Variants in LINGO2 observed in about 807,000 individuals in gnomAD.
The protein encoded by LINGO2 is leucine rich repeat and Ig domain containing 2, also known as leucine-rich repeat and immunoglobulin-like domain-containing nogo receptor-interacting protein 2.
A neutral mutation model predicts 30.6 loss-of-function variants in LINGO2; 14 were observed. That is an observed-to-expected ratio of 0.46 (90% CI 0.30 to 0.72). The LOEUF (loss-of-function observed/expected upper bound fraction) is 0.72. LINGO2 is among the 30% of genes least tolerant of loss of function. The probability of loss-of-function intolerance (pLI) is 0.07; values close to 1 mark genes in which losing one functional copy is unlikely to be tolerated. For missense variants in LINGO2, 729 were observed against 751.7 expected (o/e 0.97, Z 0.35); for synonymous variants, 317 against 288.5 (o/e 1.10, Z -1.00).
chr9:28,301,980 C>T (rs1024659997), intron 3 of LINGO2, among the ~76,000 whole-genome samples: 10 of 152,130 alleles, frequency 6.6e-5, no homozygotes, highest in Non-Finnish European at 1.3e-4. Context: ...CCAAACTAAG[C>T]TTCCTCTGTG....
intron 2 of LINGO2, among the ~76,000 whole-genome samples, chr9:28,410,881 A>C (rs556574522): frequency 6.6e-6 from 1 of 152,236 alleles, no homozygotes; most frequent in South Asian, 2.1e-4. Context: ...TTTGCAAATG[A>C]GGTAAAAGTG....
chr9:28,669,469 G>GT (rs558887140), intron 1 of LINGO2, among the ~76,000 whole-genome samples: 3 of 151,500 alleles, frequency 2.0e-5, no homozygotes, highest in East Asian at 3.9e-4. Flanking sequence ...GGACTTCTTT[G>GT]TTTTTTTTCT....
At chr9:29,196,664 A>G in the LINGO2 span, among the ~76,000 whole-genome samples, 5 of 152,096 alleles carry the variant, frequency 3.3e-5, no homozygotes, top group Non-Finnish European at 5.9e-5. Context: ...CCTATAGTCT[A>G]ATTTGAGATA....
chr9:28,034,506 A>T (rs1299731709), intron 4 of LINGO2, among the ~76,000 whole-genome samples: 1 of 152,182 alleles, frequency 6.6e-6, no homozygotes, highest in Non-Finnish European at 1.5e-5. Context: ...AGAAGCCCAG[A>T]ATTTCAGCAA....
the LINGO2 span, among the ~76,000 whole-genome samples, chr9:28,743,271 G>T: frequency 3.9e-5 from 6 of 152,058 alleles, no homozygotes; most frequent in South Asian, 1.0e-3. Context: ...TGCCGTGGTG[G>T]TTTGCTGCAC....
At chr9:29,153,514 A>T in the LINGO2 span, among the ~76,000 whole-genome samples, 1 of 152,186 alleles carries the variant, frequency 6.6e-6, no homozygotes, top group Non-Finnish European at 1.5e-5. Context: ...GTTTTTTATT[A>T]TTTGTTTTTG....
chr9:28,817,133 C>T, the LINGO2 span, among the ~76,000 whole-genome samples: 1 of 151,542 alleles, frequency 6.6e-6, no homozygotes, highest in African/African-American at 2.4e-5. Flanking sequence ...CCATATGCAT[C>T]AAAGAAATGG....
chr9:28,382,297 C>G (rs1439687481), intron 2 of LINGO2, among the ~76,000 whole-genome samples: 1 of 152,016 alleles, frequency 6.6e-6, no homozygotes, highest in Non-Finnish European at 1.5e-5. Flanking sequence ...TTACAAAATC[C>G]CAAATGTCTA....
At chr9:28,950,168 G>C in the LINGO2 span, among the ~76,000 whole-genome samples, 5 of 152,260 alleles carry the variant, frequency 3.3e-5, no homozygotes, top group East Asian at 9.7e-4. Context: ...AGTAGATGCA[G>C]AACAAGCTTT....
At chr9:28,008,086 C>T (rs749036222) in intron 5 of LINGO2, among the ~76,000 whole-genome samples, 1 of 152,140 alleles carries the variant, frequency 6.6e-6, no homozygotes, top group Non-Finnish European at 1.5e-5. Context: ...TCCCGTCTTA[C>T]ATCGTTTGTC....
At chr9:28,354,182 G>A (rs10491896) in intron 3 of LINGO2, among the ~76,000 whole-genome samples, 17,231 of 152,138 alleles carry the variant, frequency 0.11, 1,330 homozygotes, top group Admixed American at 0.18. Flanking sequence ...CGTCATATGA[G>A]TTCTGATTAA....
chr9:29,062,688 A>G, the LINGO2 span, among the ~76,000 whole-genome samples: 1 of 152,134 alleles, frequency 6.6e-6, no homozygotes, highest in Non-Finnish European at 1.5e-5. Context: ...AGAGAATGAA[A>G]TGGGGATTTA....
intron 4 of LINGO2, among the ~76,000 whole-genome samples, chr9:28,081,741 T>C (rs1479346864): frequency 6.6e-6 from 1 of 152,184 alleles, no homozygotes; most frequent in East Asian, 1.9e-4. Context: ...CCCTATATTT[T>C]AGAGGTGCTG....
chr9:28,010,216 T>G (rs746556411), intron 5 of LINGO2, among the ~76,000 whole-genome samples: 6 of 152,228 alleles, frequency 3.9e-5, no homozygotes, highest in Non-Finnish European at 8.8e-5. Flanking sequence ...TAAAAACCAC[T>G]GAATTGTATA....
At chr9:29,120,387 C>A in the LINGO2 span, among the ~76,000 whole-genome samples, 1 of 144,438 alleles carries the variant, frequency 6.9e-6, no homozygotes, top group Non-Finnish European at 1.5e-5. Flanking sequence ...GAACCAAAAA[C>A]GGGTCTAAGA....
At chr9:29,062,877 T>C in the LINGO2 span, among the ~76,000 whole-genome samples, 1 of 152,122 alleles carries the variant, frequency 6.6e-6, no homozygotes, top group Middle Eastern at 3.2e-3. Context: ...TCAGAAGCAA[T>C]GTCTTTCCAG....
the LINGO2 span, among the ~76,000 whole-genome samples, chr9:28,848,256 A>AGTG: frequency 8.5e-6 from 1 of 117,182 alleles, no homozygotes; most frequent in African/African-American, 3.4e-5. Flanking sequence ...ATATACGCAT[A>AGTG]TATAGTGTAT....
At chr9:29,173,516 T>G in the LINGO2 span, among the ~76,000 whole-genome samples, 1 of 152,136 alleles carries the variant, frequency 6.6e-6, no homozygotes, top group African/African-American at 2.4e-5. Flanking sequence ...AGATTTTGGT[T>G]TCTTGATGTG....
chr9:28,548,504 G>A (rs1305688269), intron 1 of LINGO2, among the ~76,000 whole-genome samples: 1 of 151,800 alleles, frequency 6.6e-6, no homozygotes, highest in Non-Finnish European at 1.5e-5. Context: ...AAGAGATTGA[G>A]GCCATCCTGG....
Sources: gnomAD v4.1 joint callset for allele counts (sites outside exome capture counted in the v4.1 genomes callset) on GRCh38, gnomAD v4.1.1 for gene constraint, MANE v1.5 for transcripts, NCBI Gene and HGNC (gene_info 2026-07-23, HGNC 2026-07-21) for gene names.